The following ABCB1 variants were observed in gnomAD, a reference collection of about 807,000 sequenced individuals.
ABCB1 encodes the protein ATP binding cassette subfamily B member 1.
Under a neutral mutation model 142.0 loss-of-function variants are expected in ABCB1, and 69 were observed. That is an observed-to-expected ratio of 0.49 (90% CI 0.40 to 0.59). The LOEUF (loss-of-function observed/expected upper bound fraction) is 0.59. ABCB1 is among the 20% of genes least tolerant of loss of function. The probability of loss-of-function intolerance (pLI) is 0.00; values close to 1 mark genes in which losing one functional copy is unlikely to be tolerated. For missense variants in ABCB1, 1,326 were observed against 1,554.7 expected, an observed-to-expected ratio of 0.85 and a Z score of 2.47; for synonymous variants, 532 against 539.2, an observed-to-expected ratio of 0.99 and a Z score of 0.18.
intron 1 of ABCB1, among the ~76,000 whole-genome samples, chr7:87,701,939 C>T (rs540828025): frequency 1.1e-4 from 17 of 151,884 alleles, no homozygotes; most frequent in South Asian, 8.3e-4. Flanking sequence ...GTCAGGAGAT[C>T]GAGACCATCC....
chr7:87,685,477 T>C (rs1827363799), intron 1 of ABCB1, among the ~76,000 whole-genome samples: 1 of 152,096 alleles, frequency 6.6e-6, no homozygotes, highest in African/African-American at 2.4e-5. Flanking sequence ...CTGTTGTATG[T>C]TCATACACTG....
intron 1 of ABCB1, among the ~76,000 whole-genome samples, chr7:87,625,513 A>T (rs910024111): frequency 6.6e-6 from 1 of 152,160 alleles, no homozygotes; most frequent in African/African-American, 2.4e-5. Flanking sequence ...GGTTTTTAGA[A>T]ATTTTATTGA....
intron 1 of ABCB1, among the ~76,000 whole-genome samples, chr7:87,683,659 C>T (rs1827159312): frequency 6.6e-6 from 1 of 152,098 alleles, no homozygotes; most frequent in Non-Finnish European, 1.5e-5. Context: ...AAAATTATTA[C>T]AATAGTAACA....
intron 1 of ABCB1, chr7:87,700,473 C>G: frequency 6.2e-7 from 1 of 1,613,412 alleles, no homozygotes; most frequent in Non-Finnish European, 8.5e-7. Context: ...GGGACTATAT[C>G]AGAGTGGCTT....
intron 1 of ABCB1, among the ~76,000 whole-genome samples, chr7:87,697,678 A>G (rs1828609960): frequency 6.6e-6 from 1 of 152,218 alleles, no homozygotes; most frequent in Non-Finnish European, 1.5e-5. Context: ...ATTAACACTT[A>G]TTTTGAATTT....
intron 9 of ABCB1, among the ~76,000 whole-genome samples, chr7:87,552,488 G>C (rs983876081): frequency 6.6e-6 from 1 of 151,958 alleles, no homozygotes; most frequent in Non-Finnish European, 1.5e-5. Flanking sequence ...GAATCAAGTT[G>C]GTCCGATATC....
At chr7:87,699,119 A>AATTTAG (rs2130685104) in intron 1 of ABCB1, among the ~76,000 whole-genome samples, 1 of 152,322 alleles carries the variant, frequency 6.6e-6, no homozygotes, top group South Asian at 2.1e-4. Flanking sequence ...ATTATCTCAG[A>AATTTAG]CATTGGTCCT....
chr7:87,626,175 T>C lies in ABCB1; in HGVS notation c.-330-25097A>G, dbSNP rs1161353190. On this transcript the variant is annotated intron_variant, in intron 1 of 28. Transcript: ENST00000265724. The stretch of plus-strand genomic sequence containing the variant: ...TGTCATATATATGTGTCATATATAT[T>C]GTCATATATATGTGTCATATATATG... 2.0e-4 allele frequency among the ~76,000 whole-genome samples: 17 copies of C among 83,766 alleles called. 1 individual carries two copies. The highest frequency in any genetic ancestry group is 6.6e-4 in the African/African-American group (13 of 19,776). 55.0% of individuals were successfully genotyped at this position (83,766 alleles called of 152,430 possible). A position where few individuals can be genotyped will look rare whatever the true frequency, so the allele number is the denominator to read the frequency against.
chr7:87,691,542 A>C (rs1176342592), intron 1 of ABCB1, among the ~76,000 whole-genome samples: 2 of 152,198 alleles, frequency 1.3e-5, no homozygotes, highest in Non-Finnish European at 2.9e-5. Flanking sequence ...TTATAACAAA[A>C]GGTTTTGTTT....
chr7:87,689,189 G>T (rs746196213), intron 1 of ABCB1, among the ~76,000 whole-genome samples: 140 of 152,108 alleles, frequency 9.2e-4, no homozygotes, highest in Admixed American at 1.8e-3. Context: ...TTTTTTGAAT[G>T]TCTTCTTTAT....
intron 1 of ABCB1, among the ~76,000 whole-genome samples, chr7:87,613,257 C>CTTTTT (rs67823385): frequency 2.8e-4 from 18 of 64,202 alleles, no homozygotes; most frequent in African/African-American, 4.5e-4. Context: ...TCCTTTATTT[C>CTTTTT]TTTTTTTTTT....
intron 5 of ABCB1, among the ~76,000 whole-genome samples, chr7:87,567,317 G>A (rs1484154152): frequency 6.6e-6 from 1 of 152,226 alleles, no homozygotes; most frequent in Non-Finnish European, 1.5e-5. Context: ...TTGGACCAGT[G>A]CCCAGCACAT....
chr7:87,559,423 C>T lies in ABCB1; in HGVS notation c.827+1840G>A, dbSNP rs369418289. ...ATTTTTTAATCTGTTACAAGTTTTCCCTATTCATTCTTTTTTTGTTCCTGA... is the reference window on the plus strand; with the variant it reads ...ATTTTTTAATCTGTTACAAGTTTTCTCTATTCATTCTTTTTTTGTTCCTGA... On this transcript the variant is annotated intron_variant, in intron 8 of 27. Coordinates refer to ENST00000622132, the MANE Select transcript of ABCB1 (RefSeq NM_001348946.2). 3.0e-4 allele frequency among the ~76,000 whole-genome samples: 46 copies of T among 151,608 alleles called. No individual in the cohort carries two copies. In the East Asian group the frequency reaches 7.5e-3, roughly 25 times the overall value.
chr7:87,544,368 T>G, intron 16 of ABCB1, 93 bp from the exon 17 acceptor site: 1 of 1,236,642 alleles, frequency 8.1e-7, no homozygotes, highest in Non-Finnish European at 1.2e-6. Context: ...GAATATATCC[T>G]ATCCTTATTC....
intron 1 of ABCB1, among the ~76,000 whole-genome samples, chr7:87,629,699 G>A (rs1361224227): frequency 2.6e-5 from 4 of 151,872 alleles, no homozygotes; most frequent in African/African-American, 9.7e-5. Context: ...AGGCTGAGGC[G>A]GGCGGATCAC....
intron 1 of ABCB1, chr7:87,627,897 C>T (rs1403186923): frequency 6.6e-6 from 1 of 152,328 alleles, no homozygotes; most frequent in African/African-American, 2.4e-5. Context: ...AATGTCGGCA[C>T]TAGACGCGCC....
Position 87,684,746 on chromosome 7 carries a change from C to CAAAAAAAAAAAAAAAAAAAAAAA in ABCB1, c.-331+28392_-331+28414dup, listed in dbSNP as rs71524694. On this transcript the variant is annotated intron_variant, in intron 1 of 28. Coordinates refer to the ABCB1 transcript ENST00000265724. Reference sequence around the variant, plus strand: ...CTGGTGACAGAGTGAGACTCCGTCTCAAAAAAAAAAAAAAAAAAAAAAAAA... The same window carrying CAAAAAAAAAAAAAAAAAAAAAAA: ...CTGGTGACAGAGTGAGACTCCGTCTCAAAAAAAAAAAAAAAAAAAAAAAAAAAAAAAAAAAAAAAAAAAAAAAA... Among the ~76,000 whole-genome samples, 7 of 37,792 alleles carry CAAAAAAAAAAAAAAAAAAAAAAA rather than the reference C, an allele frequency of 1.9e-4. 1 individual carries two copies. Among genetic ancestry groups the CAAAAAAAAAAAAAAAAAAAAAAA allele is most frequent in the Non-Finnish European group, 2.4e-4 (6 of 25,128 alleles). The allele number at this position is 37,792 out of a possible 152,430, so 24.8% of individuals were successfully genotyped here. A position where few individuals can be genotyped will look rare whatever the true frequency, so the allele number is the denominator to read the frequency against.
chr7:87,584,832 G>C (rs925848251), intron 4 of ABCB1, among the ~76,000 whole-genome samples: 1 of 151,820 alleles, frequency 6.6e-6, no homozygotes, highest in African/African-American at 2.4e-5. Context: ...TTTTCTCAAG[G>C]ATATCACTCA....
At chr7:87,691,399 AC>A (rs972175182) in intron 1 of ABCB1, among the ~76,000 whole-genome samples, 1 of 152,130 alleles carries the variant, frequency 6.6e-6, no homozygotes, top group African/African-American at 2.4e-5. Flanking sequence ...GTATAATTAT[AC>A]TGTTGTATTT....
Sources: allele counts gnomAD v4.1 joint callset (sites outside exome capture counted in the v4.1 genomes callset), GRCh38; gene constraint gnomAD v4.1.1; transcripts MANE v1.5; gene names NCBI Gene and HGNC (gene_info 2026-07-23, HGNC 2026-07-21).